Variants in BLTP1 observed in about 807,000 individuals in gnomAD.
BLTP1 encodes the protein fragile site-associated protein.
At chr4:122,331,416 T>TA in the BLTP1 span, 1 of 1,612,084 alleles carries the variant, frequency 6.2e-7, no homozygotes, top group Non-Finnish European at 8.5e-7. Context: ...ATAGAAGTCT[T>TA]AGTGGCACAG....
chr4:122,291,335 A>T, the BLTP1 span, among the ~76,000 whole-genome samples: 6 of 152,230 alleles, frequency 3.9e-5, no homozygotes, highest in Non-Finnish European at 7.3e-5. Flanking sequence ...TTCTGTCAAG[A>T]CCAAGGAACA....
chr4:122,308,306 A>G, the BLTP1 span: 1 of 859,472 alleles, frequency 1.2e-6, no homozygotes, highest in South Asian at 1.7e-5. Flanking sequence ...AATTCCTTCA[A>G]CCATTACTCA....
the BLTP1 span, chr4:122,229,701 C>T: frequency 1.0e-6 from 1 of 960,510 alleles, no homozygotes; most frequent in Non-Finnish European, 1.2e-6. Flanking sequence ...CTGCTTTTTT[C>T]CTTTTCTCCT....
At chr4:122,180,112 C>T in the BLTP1 span, 1 of 984,940 alleles carries the variant, frequency 1.0e-6, no homozygotes, top group Non-Finnish European at 1.2e-6. Flanking sequence ...AGAATGGCTG[C>T]ATTGGATTCT....
At chr4:122,361,698 C>T in the BLTP1 span, among the ~76,000 whole-genome samples, 1 of 152,154 alleles carries the variant, frequency 6.6e-6, no homozygotes, top group South Asian at 2.1e-4. Context: ...TCCCATTATG[C>T]CACATGCTTA....
chr4:122,214,881 G>A, the BLTP1 span, among the ~76,000 whole-genome samples: 1 of 151,804 alleles, frequency 6.6e-6, no homozygotes, highest in East Asian at 1.9e-4. Flanking sequence ...TGAAGTGCTG[G>A]GATTACAGGC....
the BLTP1 span, among the ~76,000 whole-genome samples, chr4:122,337,314 C>T: frequency 6.6e-6 from 1 of 152,116 alleles, no homozygotes; most frequent in Non-Finnish European, 1.5e-5. Flanking sequence ...ATAGCTTAAA[C>T]TAGCTTACCT....
the BLTP1 span, among the ~76,000 whole-genome samples, chr4:122,296,534 C>T: frequency 8.5e-5 from 13 of 152,176 alleles, no homozygotes; most frequent in Non-Finnish European, 1.9e-4. Context: ...ATTAAACTAC[C>T]ATTGGCATTC....
the BLTP1 span, chr4:122,331,581 T>C: frequency 5.1e-6 from 8 of 1,577,432 alleles, no homozygotes; most frequent in Non-Finnish European, 6.0e-6. Context: ...AAACTTTATC[T>C]ATTAGAAATA....
At chr4:122,257,734 T>G in the BLTP1 span, among the ~76,000 whole-genome samples, 3 of 152,208 alleles carry the variant, frequency 2.0e-5, no homozygotes, top group South Asian at 4.1e-4. Context: ...GTGATAATTT[T>G]AATAATTCAT....
At chr4:122,214,159 TA>T in the BLTP1 span, 8 of 895,866 alleles carry the variant, frequency 8.9e-6, no homozygotes, top group Non-Finnish European at 1.1e-5. Flanking sequence ...AGCCTATTGT[TA>T]TTTTTTTTTT....
At chr4:122,309,337 A>C in the BLTP1 span, 1 of 1,613,500 alleles carries the variant, frequency 6.2e-7, no homozygotes, top group Non-Finnish European at 8.5e-7. Flanking sequence ...TCATCACTGC[A>C]TGCTCTTCAG....
chr4:122,343,236 C>T, the BLTP1 span: 2 of 390,236 alleles, frequency 5.1e-6, no homozygotes, highest in South Asian at 1.1e-4. Flanking sequence ...GAAAATACAT[C>T]TAAGTCTTTA....
the BLTP1 span, chr4:122,291,864 T>A: frequency 1.0e-6 from 1 of 971,622 alleles, no homozygotes; most frequent in Non-Finnish European, 1.2e-6. Context: ...CTTTTGCTTT[T>A]AAATTTTAAA....
At chr4:122,355,511 G>A in the BLTP1 span, among the ~76,000 whole-genome samples, 1 of 149,530 alleles carries the variant, frequency 6.7e-6, no homozygotes. Flanking sequence ...ATAAAGCTTT[G>A]GTCTTGACAA....
the BLTP1 span, chr4:122,246,119 CTT>C: frequency 6.6e-7 from 1 of 1,526,468 alleles, no homozygotes; most frequent in Non-Finnish European, 8.8e-7. Context: ...TTATGAAAAG[CTT>C]GTGAAATAAT....
the BLTP1 span, chr4:122,272,506 A>T: frequency 4.8e-5 from 52 of 1,076,262 alleles, no homozygotes; most frequent in Non-Finnish European, 6.3e-5. Flanking sequence ...CTAATTGGCA[A>T]ATTTTTTTTT....
the BLTP1 span, chr4:122,197,846 C>A: frequency 2.3e-6 from 1 of 429,344 alleles, no homozygotes; most frequent in Non-Finnish European, 3.1e-6. Flanking sequence ...TGGGCACTGA[C>A]ACAGTTAATA....
the BLTP1 span, chr4:122,207,092 C>T: frequency 1.3e-6 from 2 of 1,580,510 alleles, no homozygotes; most frequent in Non-Finnish European, 1.7e-6. Flanking sequence ...TTTCTATTCA[C>T]TACCCCAATA....
Sources: gnomAD v4.1 joint callset for allele counts (sites outside exome capture counted in the v4.1 genomes callset) on GRCh38, gnomAD v4.1.1 for gene constraint, MANE v1.5 for transcripts, NCBI Gene and HGNC (gene_info 2026-07-23, HGNC 2026-07-21) for gene names.